RBFOX1: variants seen among roughly 807,000 people sequenced by gnomAD.
RBFOX1 encodes RNA binding fox-1 homolog 1.
RBFOX1 carries 8 observed loss-of-function variants against 57.7 expected under a neutral mutation model. That is an observed-to-expected ratio of 0.14 (90% CI 0.08 to 0.25). RBFOX1 has a LOEUF of 0.25. Ranked by LOEUF, RBFOX1 falls within the 10% of genes least tolerant of loss-of-function variation. The probability of loss-of-function intolerance (pLI) is 1.00; values close to 1 mark genes in which losing one functional copy is unlikely to be tolerated. For synonymous variants in RBFOX1, 326 were observed against 222.4 expected (o/e 1.47, Z -4.15); for missense variants, 611 against 548.5 (o/e 1.11, Z -1.14).
intron 3 of RBFOX1, among the ~76,000 whole-genome samples, chr16:6,888,867 C>T (rs367635732): frequency 2.0e-5 from 3 of 152,090 alleles, no homozygotes; most frequent in African/African-American, 7.2e-5. Context: ...CCCTCTTTAT[C>T]CCCTCCTCCC....
chr16:5,494,075 C>T (rs757745283), intron 2 of RBFOX1, among the ~76,000 whole-genome samples: 9 of 152,126 alleles, frequency 5.9e-5, no homozygotes, highest in African/African-American at 1.4e-4. Flanking sequence ...ATTTCAATGA[C>T]GGGGTGTTCC....
intron 3 of RBFOX1, among the ~76,000 whole-genome samples, chr16:6,755,734 A>G (rs1337027704): frequency 6.6e-6 from 1 of 152,198 alleles, no homozygotes; most frequent in Non-Finnish European, 1.5e-5. Context: ...GTTATTCAAA[A>G]ACAACTACTT....
chr16:6,370,020 T>C (rs1413884221), intron 2 of RBFOX1, among the ~76,000 whole-genome samples: 3 of 152,164 alleles, frequency 2.0e-5, no homozygotes, highest in African/African-American at 7.2e-5. Flanking sequence ...TCCACAACAG[T>C]GACAGTCTTG....
intron 4 of RBFOX1, among the ~76,000 whole-genome samples, chr16:7,254,784 T>C (rs981018097): frequency 2.6e-5 from 4 of 152,072 alleles, no homozygotes; most frequent in African/African-American, 9.7e-5. Flanking sequence ...CCTAGAAGGG[T>C]GCTTTATGTT....
intron 3 of RBFOX1, among the ~76,000 whole-genome samples, chr16:6,670,496 A>C (rs1357146152): frequency 6.6e-6 from 1 of 152,230 alleles, no homozygotes. Flanking sequence ...GAAATCATAA[A>C]ATTAGAAGAG....
chr16:6,377,548 T>C (rs2091330363), intron 2 of RBFOX1, among the ~76,000 whole-genome samples: 1 of 152,090 alleles, frequency 6.6e-6, no homozygotes, highest in Non-Finnish European at 1.5e-5. Context: ...CCTGCCTGCG[T>C]AGAATCAAGA....
chr16:5,648,201 C>T (rs1200992582), intron 3 of RBFOX1, among the ~76,000 whole-genome samples: 2 of 152,140 alleles, frequency 1.3e-5, no homozygotes, highest in African/African-American at 2.4e-5. Context: ...CACGACAATA[C>T]ATACGATATG....
chr16:6,133,484 G>C (rs946910380), intron 1 of RBFOX1, among the ~76,000 whole-genome samples: 4 of 152,124 alleles, frequency 2.6e-5, no homozygotes, highest in African/African-American at 9.7e-5. Flanking sequence ...GCACCACCCT[G>C]ATTTAAGTTA....
chr16:6,988,381 G>C (rs756179312), intron 3 of RBFOX1, among the ~76,000 whole-genome samples: 1 of 152,110 alleles, frequency 6.6e-6, no homozygotes, highest in Non-Finnish European at 1.5e-5. Context: ...TATGGTTATT[G>C]AGTGAGTTAA....
At chr16:7,145,051 T>C (rs1250872200) in intron 4 of RBFOX1, among the ~76,000 whole-genome samples, 3 of 152,222 alleles carry the variant, frequency 2.0e-5, no homozygotes, top group African/African-American at 7.2e-5. Flanking sequence ...TAGCCGGATG[T>C]GACTGGTCTG....
chr16:6,843,971 G>A (rs917735094), intron 3 of RBFOX1, among the ~76,000 whole-genome samples: 2 of 152,082 alleles, frequency 1.3e-5, no homozygotes, highest in African/African-American at 4.8e-5. Context: ...GGATCGTAAT[G>A]TGTACAATTC....
chr16:6,697,785 C>G (rs772459046), intron 3 of RBFOX1, among the ~76,000 whole-genome samples: 1 of 152,186 alleles, frequency 6.6e-6, no homozygotes, highest in Non-Finnish European at 1.5e-5. Context: ...CAACAGAAGA[C>G]CCAACCTTGG....
chr16:5,904,554 C>A (rs12445344), intron 4 of RBFOX1, among the ~76,000 whole-genome samples: 1 of 151,418 alleles, frequency 6.6e-6, no homozygotes, highest in Admixed American at 6.6e-5. Context: ...TGCATTCAGA[C>A]CATGGTGTGG....
chr16:7,479,476 T>C (rs894247406), intron 4 of RBFOX1, among the ~76,000 whole-genome samples: 1 of 152,160 alleles, frequency 6.6e-6, no homozygotes, highest in African/African-American at 2.4e-5. Context: ...TTCTCAGCCC[T>C]TCCTTGCTTG....
chr16:5,847,558 C>T (rs1487612956), intron 3 of RBFOX1, among the ~76,000 whole-genome samples: 2 of 152,118 alleles, frequency 1.3e-5, no homozygotes, highest in Admixed American at 6.6e-5. Flanking sequence ...AGGTATGTCA[C>T]GGTGTTGCAT....
intron 3 of RBFOX1, among the ~76,000 whole-genome samples, chr16:6,971,856 C>G (rs1388279039): frequency 6.6e-6 from 1 of 152,084 alleles, no homozygotes; most frequent in Admixed American, 6.6e-5. Context: ...ATGGAAGAGT[C>G]TAATTCCCTG....
rs1409463400 is a variant in RBFOX1, at chr16:6,929,007, G to T, written c.-15-123050G>T. On this transcript the variant is annotated intron_variant, in intron 3 of 15. Coordinates refer to ENST00000550418, the MANE Select transcript of RBFOX1 (RefSeq NM_018723.4). Reference sequence around the variant, plus strand: ...CGGTGCAAGCGTCATTCACAGACACGCATGCTTGAGTTCCAAGGGAGCAGA... The same window carrying T: ...CGGTGCAAGCGTCATTCACAGACACTCATGCTTGAGTTCCAAGGGAGCAGA... Among the ~76,000 whole-genome samples the T allele has an allele frequency of 2.6e-5, 4 of 152,082 alleles. No individual in the cohort carries two copies. The East Asian group carries it at 5.8e-4, about 22-fold the overall frequency.
At chr16:7,045,643 T>A (rs1401592161) in intron 3 of RBFOX1, among the ~76,000 whole-genome samples, 2 of 149,850 alleles carry the variant, frequency 1.3e-5, no homozygotes, top group African/African-American at 5.0e-5. Context: ...ATATTAATCT[T>A]GTTATATACT....
chr16:5,498,336 G>T (rs2043072468), intron 2 of RBFOX1, among the ~76,000 whole-genome samples: 1 of 152,110 alleles, frequency 6.6e-6, no homozygotes, highest in Non-Finnish European at 1.5e-5. Flanking sequence ...TAGAGACAGG[G>T]TTTCACCATG....
Sources: allele counts gnomAD v4.1 joint callset (sites outside exome capture counted in the v4.1 genomes callset), GRCh38; gene constraint gnomAD v4.1.1; transcripts MANE v1.5; gene names NCBI Gene and HGNC (gene_info 2026-07-23, HGNC 2026-07-21).